The following ZNF503 variants were observed in gnomAD, a reference collection of about 807,000 sequenced individuals.
The protein encoded by ZNF503 is zinc finger protein 503.
A neutral mutation model predicts 34.4 loss-of-function variants in ZNF503; 15 were observed. The observed-to-expected ratio is 0.44, with a 90% confidence interval of 0.29 to 0.67. The LOEUF (loss-of-function observed/expected upper bound fraction) is 0.67. ZNF503 is among the 30% of genes least tolerant of loss of function. The probability of loss-of-function intolerance (pLI) is 0.13; values close to 1 mark genes in which losing one functional copy is unlikely to be tolerated. For synonymous variants in ZNF503, 580 were observed against 456.8 expected (o/e 1.27, Z -3.44); for missense variants, 1,007 against 926.8 (o/e 1.09, Z -1.12).
chr10:75,326,116 T>G, the ZNF503 span, among the ~76,000 whole-genome samples: 1 of 152,354 alleles, frequency 6.6e-6, no homozygotes, highest in Admixed American at 6.5e-5. Context: ...TGCATCAGCC[T>G]AACAAAAATT....
the ZNF503 span, among the ~76,000 whole-genome samples, chr10:75,357,108 C>A: frequency 6.6e-6 from 1 of 151,964 alleles, no homozygotes; most frequent in Non-Finnish European, 1.5e-5. Context: ...GGGAGAACTC[C>A]TCTAACCCCT....
the ZNF503 span, among the ~76,000 whole-genome samples, chr10:75,384,306 CCA>C: frequency 3.3e-5 from 5 of 152,056 alleles, no homozygotes; most frequent in African/African-American, 9.7e-5. Context: ...CAGACTCACA[CCA>C]CACACATAAA....
At chr10:75,362,891 C>T in the ZNF503 span, among the ~76,000 whole-genome samples, 1 of 152,134 alleles carries the variant, frequency 6.6e-6, no homozygotes, top group Non-Finnish European at 1.5e-5. Context: ...TCAAAATGGC[C>T]GGAATGAAAT....
At chr10:75,349,409 AT>A in the ZNF503 span, among the ~76,000 whole-genome samples, 1 of 152,154 alleles carries the variant, frequency 6.6e-6, no homozygotes, top group Non-Finnish European at 1.5e-5. Context: ...CAATTTAGAC[AT>A]TTTCGGCAAG....
the ZNF503 span, among the ~76,000 whole-genome samples, chr10:75,343,996 A>G: frequency 6.6e-6 from 1 of 152,160 alleles, no homozygotes; most frequent in South Asian, 2.1e-4. Context: ...GTGGAGGGGA[A>G]AGGAAGATGG....
the ZNF503 span, among the ~76,000 whole-genome samples, chr10:75,379,413 A>T: frequency 1.3e-5 from 2 of 152,224 alleles, no homozygotes; most frequent in Non-Finnish European, 2.9e-5. Flanking sequence ...TTGATGCAGT[A>T]GATCTGTTTA....
the ZNF503 span, among the ~76,000 whole-genome samples, chr10:75,328,735 A>G: frequency 6.8e-6 from 1 of 146,686 alleles, no homozygotes; most frequent in Admixed American, 6.9e-5. Context: ...CATGAACATG[A>G]AATGTCTTTT....
the ZNF503 span, among the ~76,000 whole-genome samples, chr10:75,374,701 G>A: frequency 6.6e-6 from 1 of 152,230 alleles, no homozygotes; most frequent in Non-Finnish European, 1.5e-5. Context: ...CATTGGAAGA[G>A]AGGACAGTCT....
At chr10:75,329,415 T>TTCCTTCCTTCC in the ZNF503 span, among the ~76,000 whole-genome samples, 218 of 90,400 alleles carry the variant, frequency 2.4e-3, 1 homozygote, top group African/African-American at 8.3e-3. Flanking sequence ...CCTTCCTTCC[T>TTCCTTCCTTCC]TTCCTTCCTT....
At chr10:75,367,410 G>A in the ZNF503 span, among the ~76,000 whole-genome samples, 12 of 152,184 alleles carry the variant, frequency 7.9e-5, no homozygotes, top group African/African-American at 1.9e-4. Context: ...ATGGCGCTCC[G>A]GAGACTGCTT....
chr10:75,382,778 G>T, the ZNF503 span: 1 of 327,950 alleles, frequency 3.0e-6, no homozygotes. Flanking sequence ...TCGTGGGTCA[G>T]CTCTTTAAGA....
chr10:75,387,984 T>G, the ZNF503 span, among the ~76,000 whole-genome samples: 1 of 151,932 alleles, frequency 6.6e-6, no homozygotes, highest in Non-Finnish European at 1.5e-5. Flanking sequence ...GGAGGAGGGG[T>G]CCAGGACCCC....
chr10:75,361,734 G>A, the ZNF503 span: 1 of 152,198 alleles, frequency 6.6e-6, no homozygotes, highest in Non-Finnish European at 1.5e-5. Context: ...GACCTTGAAG[G>A]TAGGGACAGG....
chr10:75,368,693 C>G, the ZNF503 span, among the ~76,000 whole-genome samples: 2 of 152,296 alleles, frequency 1.3e-5, no homozygotes, highest in East Asian at 3.9e-4. Flanking sequence ...GTAAGGCTCA[C>G]AGAGATCCCT....
the ZNF503 span, among the ~76,000 whole-genome samples, chr10:75,371,954 G>T: frequency 6.6e-6 from 1 of 152,198 alleles, no homozygotes. Context: ...TTTTGAGACA[G>T]AATCTCACTC....
Position 75,398,650 on chromosome 10 carries a change from A to T in ZNF503, c.*99T>A. The T allele has an allele frequency of 3.5e-6, 4 of 1,127,168 alleles. No homozygotes were observed. The South Asian group carries it at 1.0e-4, about 29-fold the overall frequency. The allele number at this position is 1,127,168 out of a possible 1,614,324, so 69.8% of individuals were successfully genotyped here. On this transcript the variant is annotated 3_prime_UTR_variant, in exon 2 of 2. Coordinates refer to ENST00000372524, the MANE Select transcript of ZNF503 (RefSeq NM_032772.6). ...TCCTTTCGTGGCCCGAGTCCTCCCCACGCGCGGGTGTCAGCAGCCTGGGCC... is the reference window on the plus strand; with the variant it reads ...TCCTTTCGTGGCCCGAGTCCTCCCCTCGCGCGGGTGTCAGCAGCCTGGGCC...
the ZNF503 span, among the ~76,000 whole-genome samples, chr10:75,282,553 G>A: frequency 6.6e-6 from 1 of 152,228 alleles, no homozygotes; most frequent in African/African-American, 2.4e-5. Flanking sequence ...CCTGCACCAT[G>A]TAAGCTGCTG....
At chr10:75,314,185 C>T in the ZNF503 span, among the ~76,000 whole-genome samples, 110 of 146,926 alleles carry the variant, frequency 7.5e-4, 1 homozygote, top group African/African-American at 2.4e-3. Flanking sequence ...TGCAGTGAGC[C>T]GAGATCGTGC....
the ZNF503 span, among the ~76,000 whole-genome samples, chr10:75,319,820 C>T: frequency 6.6e-6 from 1 of 152,252 alleles, no homozygotes; most frequent in South Asian, 2.1e-4. Context: ...ACATTAATCA[C>T]AAGAGAGCAT....
Sources: gnomAD v4.1 joint callset for allele counts (sites outside exome capture counted in the v4.1 genomes callset) on GRCh38, gnomAD v4.1.1 for gene constraint, MANE v1.5 for transcripts, NCBI Gene and HGNC (gene_info 2026-07-23, HGNC 2026-07-21) for gene names.